Variants in XK observed in about 807,000 individuals in gnomAD.
XK encodes endoplasmic reticulum membrane adapter protein XK.
In XK, 2 loss-of-function variants were observed where a neutral mutation model predicts 14.0. The observed-to-expected ratio is 0.14, with a 90% CI of 0.06 to 0.45. The LOEUF (loss-of-function observed/expected upper bound fraction) is 0.45, where lower values mean the gene tolerates loss of function less well. Among genes scored for constraint, XK ranks in the 20% least tolerant of loss-of-function variants. The pLI is 0.98. For synonymous variants in XK, 149 were observed against 147.5 expected, an observed-to-expected ratio of 1.01 and a Z score of -0.08; for missense variants, 235 against 341.5, an observed-to-expected ratio of 0.69 and a Z score of 2.46.
At chrX:37,695,498 G>C (rs891118560) in intron 2 of XK, among the ~76,000 whole-genome samples, 1 of 110,557 alleles carries the variant, frequency 9.0e-6, no homozygotes, top group Non-Finnish European at 1.9e-5. Context: ...CTACAAATGA[G>C]AAGTGGAAAC....
At chrX:37,688,309 G>A (rs1927137847) in intron 1 of XK, among the ~76,000 whole-genome samples, 1 of 109,832 alleles carries the variant, frequency 9.1e-6, no homozygotes, top group African/African-American at 3.3e-5. Context: ...CTCGTGATCC[G>A]CCTGCCTCGG....
In XK at chrX:37,726,793, A is replaced by G. The variant is rs375388168; in HGVS notation, c.509-843A>G. Among the ~76,000 whole-genome samples the G allele has an allele frequency of 4.5e-5, 5 of 111,960 alleles. No individual in the cohort carries two copies. The East Asian group carries it at 1.4e-3, about 31-fold the overall frequency. The stretch of plus-strand genomic sequence containing the variant: ...AGGACTTTCAGCCCAAGACAGATAG[A>G]CTCTCAGTAACAGTGAAGTTCTCGT... On this transcript the variant is annotated intron_variant, in intron 2 of 2. Transcript: ENST00000378616.
Position 37,685,914 on chromosome X carries a change from G to A in XK, c.-48G>A. 1 of 1,172,941 alleles carries A rather than the reference G, an allele frequency of 8.5e-7. No individual in the cohort carries two copies. The highest frequency in any genetic ancestry group is 1.1e-6 in the Non-Finnish European group (1 of 875,998). ...CGGCCGCCGCCGCCACAGCCACACA[G>A]CCGCCGCCACTGCGTCCGTCCCCGG... On this transcript the variant is annotated 5_prime_UTR_variant, in exon 1 of 3. Transcript: ENST00000378616.
rs183502854 is a variant in XK, at chrX:37,719,269, T to C, written c.509-8367T>C. ...TTAAAGACTTTCTCTTTGACTTTGGTGTTCAGCAATTTTAACATGATATGC... is the reference window on the plus strand; with the variant it reads ...TTAAAGACTTTCTCTTTGACTTTGGCGTTCAGCAATTTTAACATGATATGC... On this transcript the variant is annotated intron_variant, in intron 2 of 2. Coordinates refer to ENST00000378616, the MANE Select transcript of XK (RefSeq NM_021083.4). 4.7e-3 allele frequency among the ~76,000 whole-genome samples: 530 copies of C among 111,846 alleles called. 4 individuals are homozygous for C. The highest frequency in any genetic ancestry group is 7.8e-3 in the Non-Finnish European group (413 of 52,886).
chrX:37,700,587 G>A (rs1459421831), intron 2 of XK, among the ~76,000 whole-genome samples: 2 of 111,717 alleles, frequency 1.8e-5, no homozygotes, highest in African/African-American at 6.5e-5. Flanking sequence ...GTTTCCAGTG[G>A]TTGGTGAGAG....
intron 2 of XK, among the ~76,000 whole-genome samples, chrX:37,720,249 AT>A (rs1223278847): frequency 4.6e-5 from 5 of 108,188 alleles, no homozygotes; most frequent in African/African-American, 1.3e-4. Context: ...TTCTCGAGAG[AT>A]TTTTTTTTTC....
At chrX:37,700,794 A>C (rs1556443633) in intron 2 of XK, among the ~76,000 whole-genome samples, 1 of 110,976 alleles carries the variant, frequency 9.0e-6, no homozygotes, top group African/African-American at 3.3e-5. Flanking sequence ...CAGAATAGCA[A>C]AGGTCTGAAG....
At chrX:37,706,082 A>G (rs1250265215) in intron 2 of XK, among the ~76,000 whole-genome samples, 1 of 111,535 alleles carries the variant, frequency 9.0e-6, no homozygotes, top group Non-Finnish European at 1.9e-5. Flanking sequence ...AATCTTTCCT[A>G]TTTTCTAGGT....
intron 2 of XK, among the ~76,000 whole-genome samples, chrX:37,722,728 A>T (rs782123444): frequency 8.9e-6 from 1 of 111,862 alleles, no homozygotes; most frequent in Non-Finnish European, 1.9e-5. Flanking sequence ...ACAGAGAGTA[A>T]TCATAATACA....
rs1366660575 is a variant in XK, at chrX:37,730,246, T to C, written c.*1784T>C. On this transcript the variant is annotated 3_prime_UTR_variant, in exon 3 of 3. Coordinates refer to ENST00000378616, the MANE Select transcript of XK (RefSeq NM_021083.4). ...CACTTACCACTTGCACTATTCTTAA[T>C]AGGCCTAAAATAGTGAGCATATATA... 1 of 112,137 alleles carries C rather than the reference T, an allele frequency of 8.9e-6. No homozygotes were observed. Among genetic ancestry groups the C allele is most frequent in the African/African-American group, 3.2e-5 (1 of 30,864 alleles). The allele number at this position is 112,137 out of a possible 1,213,427, so 9.2% of individuals were successfully genotyped here. A position where few individuals can be genotyped will look rare whatever the true frequency, so the allele number is the denominator to read the frequency against.
At chrX:37,692,487 G>A (rs937346654) in intron 1 of XK, among the ~76,000 whole-genome samples, 8 of 111,880 alleles carry the variant, frequency 7.2e-5, no homozygotes, top group African/African-American at 2.6e-4. Context: ...CGCAATCTTC[G>A]CCTCTTGTGT....
intron 2 of XK, among the ~76,000 whole-genome samples, chrX:37,707,411 G>A (rs1481146041): frequency 1.8e-5 from 2 of 109,413 alleles, no homozygotes; most frequent in African/African-American, 6.7e-5. Context: ...TTCTCAGACA[G>A]GGTGGCTGCC....
In XK at chrX:37,730,106, T is replaced by G. The variant is rs782553514; in HGVS notation, c.*1644T>G. The stretch of plus-strand genomic sequence containing the variant: ...TTTTTCTCATTTGAAATGTTTTTGA[T>G]TTATCAATATTTGTGGTTTAACTTT... On this transcript the variant is annotated 3_prime_UTR_variant, in exon 3 of 3. Transcript: ENST00000378616. 1.4e-4 allele frequency: 16 copies of G among 111,876 alleles called. No homozygotes were observed. Among genetic ancestry groups the G allele is most frequent in the African/African-American group, 4.5e-4 (14 of 30,855 alleles). The allele number at this position is 111,876 out of a possible 1,213,427, so 9.2% of individuals were successfully genotyped here.
Position 37,694,420 on chromosome X carries a change from G to A in XK, c.380G>A (p.Gly127Asp). Residue 127 changes from glycine (G) to aspartate (D), a missense_variant, in exon 2 of 3, where the codon GGC (glycine) becomes GAC (aspartate). Physicochemically the swap from Gly to Asp is moderately conservative, Grantham distance 94. Coordinates refer to ENST00000378616, the MANE Select transcript of XK (RefSeq NM_021083.4). ...GAGAAGGAGGTGGGCCAGGCAGAAGGCAAACTAATCACCCACCGATCAGCG... is the reference window on the plus strand; with the variant it reads ...GAGAAGGAGGTGGGCCAGGCAGAAGACAAACTAATCACCCACCGATCAGCG... ...EIEKEVGQAE[G>D]KLITHRSAFS... The A allele has an allele frequency of 8.3e-7, 1 of 1,202,857 alleles. No individual in the cohort carries two copies. The highest frequency in any genetic ancestry group is 1.1e-6 in the Non-Finnish European group (1 of 890,072).
rs782820602 is a variant in XK at position 37,693,817 on chromosome X, C to T, written c.246-469C>T. Among the ~76,000 whole-genome samples the T allele has an allele frequency of 3.6e-5, 4 of 111,590 alleles. No homozygotes were observed. The South Asian group carries it at 1.5e-3, about 42-fold the overall frequency. Reference sequence around the variant, plus strand: ...GATGTGGAACACACACACGTGTGTGCGTGCATGCATGCATGCAGTCACACT... The same window carrying T: ...GATGTGGAACACACACACGTGTGTGTGTGCATGCATGCATGCAGTCACACT... On this transcript the variant is annotated intron_variant, in intron 1 of 2. Transcript: ENST00000378616.
chrX:37,713,170 A>G (rs1314394759), intron 2 of XK, among the ~76,000 whole-genome samples: 1 of 111,805 alleles, frequency 8.9e-6, no homozygotes, highest in Non-Finnish European at 1.9e-5. Flanking sequence ...ACCTTGCTCC[A>G]TGTGGCATCA....
chrX:37,705,471 TAAAAG>T (rs1556444925), intron 2 of XK, among the ~76,000 whole-genome samples: 4 of 108,891 alleles, frequency 3.7e-5, no homozygotes, highest in Admixed American at 9.8e-5. Context: ...AAAAATAACT[TAAAAG>T]AGAAAGTTGT....
chrX:37,716,750 G>A (rs1388923115), intron 2 of XK, among the ~76,000 whole-genome samples: 1 of 111,867 alleles, frequency 8.9e-6, no homozygotes, highest in South Asian at 3.7e-4. Context: ...CCCCATACAT[G>A]AGTCTAGGAT....
chrX:37,712,106 A>G (rs1436784177), intron 2 of XK, among the ~76,000 whole-genome samples: 5 of 111,196 alleles, frequency 4.5e-5, no homozygotes, highest in South Asian at 3.8e-4. Flanking sequence ...TAATAACTCA[A>G]TCCTGCAATT....
Sources: allele counts gnomAD v4.1 joint callset (sites outside exome capture counted in the v4.1 genomes callset), GRCh38; gene constraint gnomAD v4.1.1; transcripts MANE v1.5; gene names NCBI Gene and HGNC (gene_info 2026-07-23, HGNC 2026-07-21).